DPP6: variants seen among roughly 807,000 people sequenced by gnomAD.
The protein encoded by DPP6 is A-type potassium channel modulatory protein DPP6.
Under a neutral mutation model 122.6 loss-of-function variants are expected in DPP6, and 69 were observed. The ratio of observed to expected loss-of-function variants is 0.56; its 90% CI spans 0.46 to 0.69. The LOEUF is 0.69. DPP6 is among the 30% of genes least tolerant of loss of function. The pLI is 0.00. For missense variants in DPP6, 928 were observed against 1,116.9 expected (o/e 0.83, Z 2.41); for synonymous variants, 418 against 433.1 (o/e 0.97, Z 0.43).
rs145788121 is a variant in DPP6, at chr7:154,304,432, G to A, written c.244-141782G>A. Among the ~76,000 whole-genome samples, 415 of 152,318 alleles carry A rather than the reference G, an allele frequency of 2.7e-3. 2 individuals are homozygous for A. The highest frequency in any genetic ancestry group is 9.4e-3 in the African/African-American group (392 of 41,574). On this transcript the variant is annotated intron_variant, in intron 1 of 25. Transcript: ENST00000377770. ...GGCAGTGGTACCTGGGTCAGGACAC[G>A]ACAGCAGCCTCTGGCCTCAGGCAGG... is the stretch of plus-strand genomic sequence containing the variant.
chr7:154,529,997 A>C (rs1024702557), intron 3 of DPP6, among the ~76,000 whole-genome samples: 1 of 152,038 alleles, frequency 6.6e-6, no homozygotes, highest in African/African-American at 2.4e-5. Flanking sequence ...GTGGTGGCAC[A>C]TATCTGTGGT....
intron 1 of DPP6, among the ~76,000 whole-genome samples, chr7:154,268,110 G>A (rs1055378612): frequency 6.6e-6 from 1 of 152,102 alleles, no homozygotes; most frequent in East Asian, 1.9e-4. Context: ...TACCTTAACA[G>A]CTCCTAGGTC....
At chr7:154,400,554 T>A (rs1186539068) in intron 1 of DPP6, among the ~76,000 whole-genome samples, 1 of 152,208 alleles carries the variant, frequency 6.6e-6, no homozygotes, top group African/African-American at 2.4e-5. Context: ...GTTATTCTTT[T>A]TATTTGGTGC....
chr7:154,825,456 A>C (rs1800080534), intron 16 of DPP6, among the ~76,000 whole-genome samples: 1 of 152,226 alleles, frequency 6.6e-6, no homozygotes, highest in East Asian at 1.9e-4. Flanking sequence ...GATATTTGTC[A>C]CTTATTCTAC....
chr7:154,226,300 C>G (rs540336562), intron 1 of DPP6, among the ~76,000 whole-genome samples: 2 of 147,746 alleles, frequency 1.4e-5, no homozygotes, highest in South Asian at 4.2e-4. Flanking sequence ...TAGGTTCGAT[C>G]TGGACAATTT....
chr7:153,976,052 T>C (rs1796284184), intron 1 of DPP6, among the ~76,000 whole-genome samples: 1 of 152,202 alleles, frequency 6.6e-6, no homozygotes, highest in Admixed American at 6.5e-5. Flanking sequence ...TTACTGTTAT[T>C]ATTACCTGCA....
chr7:154,292,946 T>C (rs1028595956), intron 1 of DPP6, among the ~76,000 whole-genome samples: 1 of 152,220 alleles, frequency 6.6e-6, no homozygotes, highest in Non-Finnish European at 1.5e-5. Flanking sequence ...ATTAATTTCA[T>C]AATAGAAATC....
chr7:154,501,014 A>G (rs1825191946), intron 3 of DPP6, among the ~76,000 whole-genome samples: 1 of 152,208 alleles, frequency 6.6e-6, no homozygotes, highest in Non-Finnish European at 1.5e-5. Flanking sequence ...ACTAGTTGGG[A>G]ACTGCAGCAA....
intron 1 of DPP6, among the ~76,000 whole-genome samples, chr7:154,352,211 C>T (rs1483478455): frequency 1.3e-5 from 2 of 152,106 alleles, no homozygotes; most frequent in Admixed American, 6.5e-5. Flanking sequence ...CGCCTGTAAT[C>T]CCAGCACTTT....
At chr7:154,011,294 T>C (rs1031952751) in intron 1 of DPP6, among the ~76,000 whole-genome samples, 2 of 152,230 alleles carry the variant, frequency 1.3e-5, no homozygotes, top group African/African-American at 4.8e-5. Context: ...AATGATTGCA[T>C]GAAGCCTCAC....
chr7:154,796,047 T>C (rs1587167379), intron 12 of DPP6, 164 bp downstream of exon 12: 1 of 1,137,002 alleles, frequency 8.8e-7, no homozygotes, highest in Non-Finnish European at 1.2e-6. Flanking sequence ...GTGCCTCCCG[T>C]TCTCCAGGGT....
chr7:154,105,898 A>C (rs1349195884), intron 1 of DPP6, among the ~76,000 whole-genome samples: 5 of 150,908 alleles, frequency 3.3e-5, no homozygotes, highest in Admixed American at 2.0e-4. Flanking sequence ...AGACTGATGC[A>C]TCAGGATAAG....
intron 1 of DPP6, among the ~76,000 whole-genome samples, chr7:154,416,962 TG>T (rs1266735566): frequency 1.3e-5 from 2 of 152,192 alleles, no homozygotes; most frequent in Admixed American, 1.3e-4. Flanking sequence ...CGTGAAATCA[TG>T]TTTACAGTTT....
intron 1 of DPP6, among the ~76,000 whole-genome samples, chr7:154,206,076 A>G (rs192145932): frequency 6.6e-6 from 1 of 152,362 alleles, no homozygotes; most frequent in Non-Finnish European, 1.5e-5. Flanking sequence ...GAAGGTCTCT[A>G]AAGAAGCAGC....
chr7:154,699,156 G>A (rs1840377493), intron 7 of DPP6, among the ~76,000 whole-genome samples: 1 of 152,196 alleles, frequency 6.6e-6, no homozygotes, highest in Non-Finnish European at 1.5e-5. Context: ...TACCTGGGAT[G>A]ATCCGGGAGA....
intron 16 of DPP6, among the ~76,000 whole-genome samples, chr7:154,817,514 G>T (rs574889290): frequency 2.0e-5 from 3 of 152,208 alleles, no homozygotes; most frequent in African/African-American, 7.2e-5. Context: ...TGTCATGAGG[G>T]TCATGAGTGA....
intron 1 of DPP6, among the ~76,000 whole-genome samples, chr7:153,949,331 C>A (rs1363301557): frequency 1.3e-5 from 2 of 152,194 alleles, no homozygotes; most frequent in Non-Finnish European, 2.9e-5. Flanking sequence ...CTTCCGTTAA[C>A]AGACCTCACA....
chr7:153,850,044 C>G, the DPP6 span, among the ~76,000 whole-genome samples: 479 of 152,220 alleles, frequency 3.1e-3, 1 homozygote, highest in African/African-American at 0.011. Flanking sequence ...TTTCCAGTTA[C>G]TCATTTTTCA....
chr7:154,882,914 T>C (rs1443353507), intron 21 of DPP6, among the ~76,000 whole-genome samples: 2 of 134,462 alleles, frequency 1.5e-5, no homozygotes, highest in East Asian at 2.6e-4. Flanking sequence ...AAATGGTTGA[T>C]CTTGGAGTTT....
Sources: gnomAD v4.1 joint callset for allele counts (sites outside exome capture counted in the v4.1 genomes callset) on GRCh38, gnomAD v4.1.1 for gene constraint, MANE v1.5 for transcripts, NCBI Gene and HGNC (gene_info 2026-07-23, HGNC 2026-07-21) for gene names.